The following KMT2C variants were observed in gnomAD, a reference collection of about 807,000 sequenced individuals.
KMT2C encodes the protein lysine methyltransferase 2C.
In KMT2C, 88 loss-of-function variants were observed where a neutral mutation model predicts 507.9. The observed-to-expected ratio is 0.17, with a 90% CI of 0.15 to 0.21. The LOEUF is 0.21. Among genes scored for constraint, KMT2C ranks in the 10% least tolerant of loss-of-function variants. The pLI, the probability that KMT2C is intolerant of heterozygous loss-of-function variation, is 1.00. For synonymous variants in KMT2C, 2,049 were observed against 2,080.8 expected, an observed-to-expected ratio of 0.98 and a Z score of 0.42; for missense variants, 4,954 against 5,957.8, an observed-to-expected ratio of 0.83 and a Z score of 5.55.
chr7:152,261,009 GA>G (rs1487295880), intron 9 of KMT2C, among the ~76,000 whole-genome samples: 1 of 150,862 alleles, frequency 6.6e-6, no homozygotes, highest in Non-Finnish European at 1.5e-5. Flanking sequence ...GAGAAAAGTA[GA>G]AAGGAATTAT....
intron 23 of KMT2C, among the ~76,000 whole-genome samples, chr7:152,216,378 A>G (rs1342397276): frequency 6.6e-6 from 1 of 152,234 alleles, no homozygotes; most frequent in Non-Finnish European, 1.5e-5. Context: ...AAAAATAAAT[A>G]GAAACAAAAA....
rs1252553539 is a variant in KMT2C, at chr7:152,435,877, T to C, written c.-91A>G. Reference sequence around the variant, plus strand: ...GCCGCCGCCGCCGCTGCTGCTCGGGTTCCTCCTCCCCGGCTCAGCCTCTCG... The same window carrying C: ...GCCGCCGCCGCCGCTGCTGCTCGGGCTCCTCCTCCCCGGCTCAGCCTCTCG... On this transcript the variant is annotated 5_prime_UTR_variant, in exon 1 of 59. Coordinates refer to ENST00000262189, the MANE Select transcript of KMT2C (RefSeq NM_170606.3). The C allele has an allele frequency of 2.2e-6, 3 of 1,335,072 alleles. No homozygotes were observed. The highest frequency in any genetic ancestry group is 6.1e-5 in the East Asian group (2 of 32,892). The allele number at this position is 1,335,072 out of a possible 1,614,324, so 82.7% of individuals were successfully genotyped here.
At chr7:152,227,992 T>A (rs987788915) in intron 18 of KMT2C, among the ~76,000 whole-genome samples, 11 of 152,218 alleles carry the variant, frequency 7.2e-5, no homozygotes, top group African/African-American at 2.7e-4. Context: ...CAAAATGTGG[T>A]CTAGGGAACC....
intron 1 of KMT2C, among the ~76,000 whole-genome samples, chr7:152,427,533 A>G (rs1389032427): frequency 1.3e-5 from 2 of 152,180 alleles, no homozygotes; most frequent in African/African-American, 4.8e-5. Flanking sequence ...TTAAAACTGC[A>G]TGGTAGTCCA....
At chr7:152,296,997 A>AAGAAAAAG (rs1235502213) in intron 6 of KMT2C, among the ~76,000 whole-genome samples, 10 of 59,006 alleles carry the variant, frequency 1.7e-4, no homozygotes, top group South Asian at 6.9e-4. Flanking sequence ...GAAAGAAAGA[A>AAGAAAAAG]AAAGAAAGAA....
intron 9 of KMT2C, among the ~76,000 whole-genome samples, chr7:152,257,734 G>A (rs2095684491): frequency 6.6e-6 from 1 of 152,074 alleles, no homozygotes; most frequent in Non-Finnish European, 1.5e-5. Context: ...GAATATTTAT[G>A]TGTATATACG....
At position 152,280,299 on chromosome 7, in the gene KMT2C, T is replaced by A. The variant is rs1213216503; in HGVS notation, c.850-6432A>T. On this transcript the variant is annotated intron_variant, in intron 6 of 58. Transcript: ENST00000262189. Reference sequence around the variant, plus strand: ...GGCTCATGCCTGTAATCCCAGCACTTTGGAAGGCCAAGGCAGGCGGATCAC... The same window carrying A: ...GGCTCATGCCTGTAATCCCAGCACTATGGAAGGCCAAGGCAGGCGGATCAC... 7.9e-5 allele frequency among the ~76,000 whole-genome samples: 12 copies of A among 152,108 alleles called. No individual in the cohort carries two copies. The East Asian group carries it at 2.3e-3, about 29-fold the overall frequency.
At chr7:152,193,205 T>C (rs552843224) in intron 31 of KMT2C, among the ~76,000 whole-genome samples, 79 of 151,916 alleles carry the variant, frequency 5.2e-4, no homozygotes, top group Non-Finnish European at 8.8e-4. Context: ...TAGATAGAGT[T>C]ATATACACGC....
At chr7:152,363,885 G>C (rs1156645337) in intron 1 of KMT2C, among the ~76,000 whole-genome samples, 1 of 152,224 alleles carries the variant, frequency 6.6e-6, no homozygotes, top group Admixed American at 6.5e-5. Flanking sequence ...AGCAATTACA[G>C]AAGAACAATT....
chr7:152,379,149 T>A (rs964625685), intron 1 of KMT2C, among the ~76,000 whole-genome samples: 9 of 152,122 alleles, frequency 5.9e-5, no homozygotes, highest in Admixed American at 1.3e-4. Context: ...GCCCTTTTTT[T>A]AAATTATTAT....
At chr7:152,190,923 C>A (rs2093772196) in intron 31 of KMT2C, among the ~76,000 whole-genome samples, 1 of 152,248 alleles carries the variant, frequency 6.6e-6, no homozygotes, top group South Asian at 2.1e-4. Context: ...CTCTAATGAT[C>A]ATTCATTTCC....
rs1282731712 is a variant in KMT2C at position 152,180,134 on chromosome 7, G to A, written c.7150-8C>T. ...TTCACGTAACTTCTGCCGCTAAATG[G>A]GAAGAAACAAAAATCACTGGGATTT... On this transcript the variant is annotated splice_polypyrimidine_tract_variant and splice_region_variant and intron_variant, in intron 36 of 58. Transcript: ENST00000262189. 6.2e-7 allele frequency: 1 copy of A among 1,612,728 alleles called. No individual in the cohort carries two copies. Among genetic ancestry groups the A allele is most frequent in the South Asian group, 1.1e-5 (1 of 90,792 alleles).
chr7:152,189,825 C>T (rs2129126353), intron 31 of KMT2C, among the ~76,000 whole-genome samples: 1 of 152,304 alleles, frequency 6.6e-6, no homozygotes, highest in South Asian at 2.1e-4. Context: ...TTTTTTCAAA[C>T]TAGAATGCCA....
chr7:152,227,258 G>A (rs1407672021), intron 18 of KMT2C, among the ~76,000 whole-genome samples: 1 of 152,212 alleles, frequency 6.6e-6, no homozygotes, highest in African/African-American at 2.4e-5. Context: ...TACTGGGGTT[G>A]TACTATCATT....
intron 2 of KMT2C, among the ~76,000 whole-genome samples, chr7:152,353,600 C>T (rs1386578966): frequency 2.0e-5 from 3 of 152,034 alleles, no homozygotes; most frequent in Non-Finnish European, 2.9e-5. Context: ...CGGGCTCAAG[C>T]GATCCTCCCA....
At chr7:152,364,934 G>GACAGACAC (rs1554680382) in intron 1 of KMT2C, among the ~76,000 whole-genome samples, 3,405 of 138,112 alleles carry the variant, frequency 0.025, 61 homozygotes, top group South Asian at 0.063. Context: ...GAAACAGACA[G>GACAGACAC]ACACACACAC....
Position 152,167,351 on chromosome 7 carries a change from T to A in KMT2C, c.9545A>T (p.Glu3182Val), listed in dbSNP as rs1418914612. 1 of 1,612,750 alleles carries A rather than the reference T, an allele frequency of 6.2e-7. No individual in the cohort carries two copies. The highest frequency in any genetic ancestry group is 1.3e-5 in the African/African-American group (1 of 74,916). ...VNDSQRKQYE[E>V]WLQETQQLLQ... ...CAGCTGTTGGGTCTCCTGGAGCCAC[T>A]CTTCATACTGCTTACGCTGTGAATC... Residue 3182 changes from glutamate to valine, a missense_variant, in exon 42 of 59, where the codon GAG becomes GTG. Transcript: ENST00000262189.
At chr7:152,282,958 TTCTATA>T (rs1378970385) in intron 6 of KMT2C, among the ~76,000 whole-genome samples, 2 of 152,116 alleles carry the variant, frequency 1.3e-5, no homozygotes, top group African/African-American at 4.8e-5. Context: ...TCACATGAAA[TTCTATA>T]TCAAGGTTAG....
intron 34 of KMT2C, among the ~76,000 whole-genome samples, chr7:152,184,352 T>A (rs2093553777): frequency 6.6e-6 from 1 of 152,226 alleles, no homozygotes; most frequent in Non-Finnish European, 1.5e-5. Context: ...CTATATATAT[T>A]TTCCAACAAT....
Sources: allele counts gnomAD v4.1 joint callset (sites outside exome capture counted in the v4.1 genomes callset), GRCh38; gene constraint gnomAD v4.1.1; transcripts MANE v1.5; gene names NCBI Gene and HGNC (gene_info 2026-07-23, HGNC 2026-07-21).